THSD7B: variants seen among roughly 807,000 people sequenced by gnomAD.
THSD7B encodes the protein thrombospondin type-1 domain-containing protein 7B.
A neutral mutation model predicts 213.6 loss-of-function variants in THSD7B; 138 were observed. The ratio of observed to expected loss-of-function variants is 0.65; its 90% CI spans 0.56 to 0.74. The LOEUF (loss-of-function observed/expected upper bound fraction) is 0.74, where lower values mean the gene tolerates loss of function less well. Among genes scored for constraint, THSD7B ranks in the 30% least tolerant of loss-of-function variants. The pLI is 0.00. For missense variants in THSD7B, 1,931 were observed against 1,991.5 expected (o/e 0.97, Z 0.58); for synonymous variants, 742 against 687.0 (o/e 1.08, Z -1.25).
chr2:137,396,046 TTC>T (rs1686176075), intron 12 of THSD7B, among the ~76,000 whole-genome samples: 1 of 152,100 alleles, frequency 6.6e-6, no homozygotes, highest in South Asian at 2.1e-4. Context: ...TATTTGATTC[TTC>T]TCTCTCTTTT....
chr2:137,139,356 A>C (rs6740237), intron 5 of THSD7B, among the ~76,000 whole-genome samples: 3,619 of 152,234 alleles, frequency 0.024, 155 homozygotes, highest in African/African-American at 0.081. Flanking sequence ...CTCTGAAAAA[A>C]AATTAGTAGT....
intron 3 of THSD7B, among the ~76,000 whole-genome samples, chr2:137,092,593 C>A (rs766112412): frequency 3.3e-5 from 5 of 151,982 alleles, no homozygotes; most frequent in Non-Finnish European, 5.9e-5. Flanking sequence ...TGATCGCTCC[C>A]CCATTTATGT....
intron 15 of THSD7B, among the ~76,000 whole-genome samples, chr2:137,531,411 T>C (rs1343780100): frequency 6.6e-6 from 1 of 151,906 alleles, no homozygotes; most frequent in Non-Finnish European, 1.5e-5. Context: ...AGCATAGAGG[T>C]AGCACTCAGG....
intron 17 of THSD7B, among the ~76,000 whole-genome samples, chr2:137,578,711 T>C (rs960146993): frequency 5.3e-5 from 8 of 152,164 alleles, no homozygotes; most frequent in Non-Finnish European, 1.2e-4. Context: ...TGTCTAGGAC[T>C]GGTTATTGGC....
chr2:137,643,074 T>C (rs1283066248), intron 21 of THSD7B, among the ~76,000 whole-genome samples: 1 of 152,228 alleles, frequency 6.6e-6, no homozygotes, highest in Non-Finnish European at 1.5e-5. Context: ...AAACCAAAAG[T>C]GTATGAAGTT....
intron 11 of THSD7B, among the ~76,000 whole-genome samples, chr2:137,272,970 G>A (rs1415137306): frequency 2.0e-5 from 3 of 150,374 alleles, no homozygotes; most frequent in African/African-American, 7.3e-5. Context: ...GATTTTTACG[G>A]TTGTTATCTG....
intron 19 of THSD7B, among the ~76,000 whole-genome samples, chr2:137,619,699 T>C (rs1362133823): frequency 6.6e-6 from 1 of 152,206 alleles, no homozygotes; most frequent in Non-Finnish European, 1.5e-5. Flanking sequence ...AGAAAGTCAG[T>C]TTCTCTGATT....
At chr2:137,175,842 C>T (rs1488559290) in intron 7 of THSD7B, among the ~76,000 whole-genome samples, 1 of 152,108 alleles carries the variant, frequency 6.6e-6, no homozygotes. Context: ...ATTTTTAGAT[C>T]TCAAAAATGT....
chr2:137,083,702 T>C (rs1248255496), intron 3 of THSD7B, among the ~76,000 whole-genome samples: 1 of 152,164 alleles, frequency 6.6e-6, no homozygotes, highest in African/African-American at 2.4e-5. Context: ...CATTTTTCCA[T>C]TCACATTTTA....
At chr2:137,242,747 G>A (rs10182308) in intron 10 of THSD7B, among the ~76,000 whole-genome samples, 175 bp downstream of exon 10, 1 of 151,884 alleles carries the variant, frequency 6.6e-6, no homozygotes, top group Non-Finnish European at 1.5e-5. Flanking sequence ...AAATCTATCA[G>A]AGCTTGGAAG....
chr2:137,521,866 T>G (rs1680190953), intron 15 of THSD7B, among the ~76,000 whole-genome samples: 1 of 151,652 alleles, frequency 6.6e-6, no homozygotes. Flanking sequence ...TGTGCTGGCA[T>G]GCATCCCTCA....
chr2:136,907,184 A>G (rs897096600), intron 2 of THSD7B, among the ~76,000 whole-genome samples: 26 of 152,124 alleles, frequency 1.7e-4, no homozygotes, highest in African/African-American at 5.8e-4. Context: ...ACCTCAGGTG[A>G]TCCACCTACC....
intron 20 of THSD7B, among the ~76,000 whole-genome samples, chr2:137,632,196 A>G (rs1682754648): frequency 6.6e-6 from 1 of 152,106 alleles, no homozygotes; most frequent in Non-Finnish European, 1.5e-5. Flanking sequence ...ATATCACTAT[A>G]AAAATTATTA....
At chr2:137,272,740 G>A (rs1233349382) in intron 11 of THSD7B, 78 bp downstream of exon 11, 8 of 1,477,548 alleles carry the variant, frequency 5.4e-6, no homozygotes, top group South Asian at 5.1e-5. Flanking sequence ...ACATATGGTC[G>A]TTTGGTGAAA....
chr2:137,584,932 T>A (rs1681684226), intron 17 of THSD7B, among the ~76,000 whole-genome samples: 1 of 152,330 alleles, frequency 6.6e-6, no homozygotes, highest in Admixed American at 6.5e-5. Flanking sequence ...TCCTTGTACC[T>A]CTGGTAGAAT....
Position 137,056,799 on chromosome 2 carries a change from C to A in THSD7B, c.519C>A (p.Leu173=). Residue 173 remains leucine, a synonymous_variant, in exon 3 of 28, where the codon CTC becomes CTA. Transcript: ENST00000409968. ...AGCCTCCTACAGAACAGGCTTGCCT[C>A]ATTCCTTGTCCCCGGGATTGTGTAG... is the stretch of plus-strand genomic sequence containing the variant. The part of the protein sequence containing the change: ...ALQPPTEQAC[L]IPCPRDCVVS... 6.2e-7 allele frequency: 1 copy of A among 1,613,954 alleles called. No homozygotes were observed. Among genetic ancestry groups the A allele is most frequent in the Non-Finnish European group, 8.5e-7 (1 of 1,179,876 alleles).
intron 2 of THSD7B, among the ~76,000 whole-genome samples, chr2:136,981,558 A>G (rs898694011): frequency 1.3e-5 from 2 of 152,148 alleles, no homozygotes; most frequent in African/African-American, 4.8e-5. Flanking sequence ...GCTCTTAGAC[A>G]TGGAATATTC....
At chr2:137,576,783 G>A (rs1021778895) in intron 17 of THSD7B, among the ~76,000 whole-genome samples, 1 of 146,728 alleles carries the variant, frequency 6.8e-6, no homozygotes, top group Non-Finnish European at 1.5e-5. Flanking sequence ...AGCATTTGAG[G>A]TTAAGAAAAA....
intron 7 of THSD7B, among the ~76,000 whole-genome samples, chr2:137,215,750 A>T (rs1456604577): frequency 6.6e-6 from 1 of 152,178 alleles, no homozygotes; most frequent in Non-Finnish European, 1.5e-5. Flanking sequence ...TTTGTGAATT[A>T]GCTCTTTGAC....
Sources: gnomAD v4.1 joint callset for allele counts (sites outside exome capture counted in the v4.1 genomes callset) on GRCh38, gnomAD v4.1.1 for gene constraint, MANE v1.5 for transcripts, NCBI Gene and HGNC (gene_info 2026-07-23, HGNC 2026-07-21) for gene names.